PAPSS2: variants seen among roughly 807,000 people sequenced by gnomAD.
PAPSS2 encodes the protein 3'-phosphoadenosine 5'-phosphosulfate synthase 2.
Under a neutral mutation model 66.5 loss-of-function variants are expected in PAPSS2, and 61 were observed. The ratio of observed to expected loss-of-function variants is 0.92; its 90% CI spans 0.75 to 1.14. The LOEUF (loss-of-function observed/expected upper bound fraction) is 1.14. Among genes scored for constraint, PAPSS2 ranks in the 50% most tolerant of loss-of-function variants. The pLI is 0.00. For synonymous variants in PAPSS2, 289 were observed against 287.5 expected, an observed-to-expected ratio of 1.01 and a Z score of -0.05; for missense variants, 708 against 789.6, an observed-to-expected ratio of 0.90 and a Z score of 1.24.
intron 6 of PAPSS2, among the ~76,000 whole-genome samples, 191 bp downstream of exon 6, chr10:87,715,289 C>CAGCT (rs1203542251): frequency 6.6e-6 from 1 of 152,180 alleles, no homozygotes; most frequent in African/African-American, 2.4e-5. Flanking sequence ...TGCCACAAGG[C>CAGCT]AGCTGATCAA....
chr10:87,713,311 G>GAA lies in PAPSS2; in HGVS notation c.381+1_381+2insAA, dbSNP rs1554865450. 21 of 444,648 alleles carry GAA rather than the reference G, an allele frequency of 4.7e-5. No individual in the cohort carries two copies. The highest frequency in any genetic ancestry group is 2.1e-4 in the South Asian group (6 of 28,548). The allele number at this position is 444,648 out of a possible 1,614,324, so 27.5% of individuals were successfully genotyped here. A position where few individuals can be genotyped will look rare whatever the true frequency, so the allele number is the denominator to read the frequency against. On this transcript the variant is annotated splice_donor_variant, in intron 3 of 12. Transcript: ENST00000456849. LOFTEE classifies it high-confidence loss of function. ...CAGCTTTATTTCTCCATTCGCAAAG[G>GAA]TAAAAAAAAAAAAAAAAAAAAAAGG...
At chr10:87,709,157 A>T (rs1258464889) in intron 1 of PAPSS2, 39 bp from the exon 2 acceptor site, 1 of 1,339,750 alleles carries the variant, frequency 7.5e-7, no homozygotes, top group Non-Finnish European at 1.1e-6. Flanking sequence ...TATGTGTTTT[A>T]TTAATTAATA....
At chr10:87,663,106 C>CTTTTTTTTT (rs1184871976) in intron 1 of PAPSS2, among the ~76,000 whole-genome samples, 8 of 67,620 alleles carry the variant, frequency 1.2e-4, no homozygotes, top group Non-Finnish European at 1.6e-4. Context: ...GAAGTAGCCA[C>CTTTTTTTTT]TTTTTTTTTT....
intron 6 of PAPSS2, 65 bp downstream of exon 6, chr10:87,715,163 T>G: frequency 1.2e-6 from 1 of 851,538 alleles, no homozygotes; most frequent in Non-Finnish European, 2.0e-6. Flanking sequence ...TATTTACAAT[T>G]ACTCTTAACA....
Position 87,727,823 on chromosome 10 carries a change from A to C in PAPSS2, c.1086+334A>C, listed in dbSNP as rs953628778. On this transcript the variant is annotated intron_variant, in intron 9 of 12. Transcript: ENST00000456849. ...TAGCTGTAGCTATGCACAAAACCATAATCAGAGCTTGCAGCCCTGCCCATC... is the reference window on the plus strand; with the variant it reads ...TAGCTGTAGCTATGCACAAAACCATCATCAGAGCTTGCAGCCCTGCCCATC... Among the ~76,000 whole-genome samples, 2 of 152,192 alleles carry C rather than the reference A, an allele frequency of 1.3e-5. 1 individual carries two copies. The highest frequency in any genetic ancestry group is 2.9e-5 in the Non-Finnish European group (2 of 68,032).
chr10:87,713,718 A>T (rs1853497481), intron 3 of PAPSS2, among the ~76,000 whole-genome samples: 1 of 152,350 alleles, frequency 6.6e-6, no homozygotes, highest in Middle Eastern at 3.4e-3. Context: ...GACATCACTG[A>T]GATGGAGTGT....
At chr10:87,736,529 G>A (rs7901767) in intron 9 of PAPSS2, among the ~76,000 whole-genome samples, 45,395 of 151,844 alleles carry the variant, frequency 0.3, 7,037 homozygotes, top group Non-Finnish European at 0.32. Flanking sequence ...GCCTCTCAAA[G>A]TACTGGGATT....
chr10:87,740,046 T>A (rs1853847793), intron 9 of PAPSS2, among the ~76,000 whole-genome samples: 1 of 152,240 alleles, frequency 6.6e-6, no homozygotes, highest in African/African-American at 2.4e-5. Context: ...TGGATCACCA[T>A]GTCTACTTGA....
At chr10:87,668,939 C>A (rs1308615591) in intron 1 of PAPSS2, among the ~76,000 whole-genome samples, 1 of 152,170 alleles carries the variant, frequency 6.6e-6, no homozygotes, top group Non-Finnish European at 1.5e-5. Context: ...TTTATTTCCT[C>A]TTTCATTCAA....
intron 1 of PAPSS2, among the ~76,000 whole-genome samples, chr10:87,680,101 A>T (rs1332302339): frequency 6.6e-6 from 1 of 151,912 alleles, no homozygotes; most frequent in Non-Finnish European, 1.5e-5. Flanking sequence ...AGGACAAGTT[A>T]TTGATCAGGA....
intron 1 of PAPSS2, among the ~76,000 whole-genome samples, chr10:87,699,639 C>T (rs1039717989): frequency 6.6e-6 from 1 of 152,000 alleles, no homozygotes; most frequent in African/African-American, 2.4e-5. Context: ...ATCACGAGGT[C>T]AAGAGAGTGA....
intron 1 of PAPSS2, among the ~76,000 whole-genome samples, chr10:87,708,709 A>G (rs1259468195): frequency 1.3e-5 from 2 of 152,258 alleles, no homozygotes; most frequent in Non-Finnish European, 2.9e-5. Flanking sequence ...CATGATGAGT[A>G]TTCTAAAGGC....
intron 1 of PAPSS2, among the ~76,000 whole-genome samples, chr10:87,695,988 A>C (rs1304433420): frequency 6.6e-6 from 1 of 152,152 alleles, no homozygotes; most frequent in South Asian, 2.1e-4. Flanking sequence ...TCCACCTGCT[A>C]TCTCCATCCA....
chr10:87,663,704 A>G (rs1852782888), intron 1 of PAPSS2, among the ~76,000 whole-genome samples: 1 of 152,168 alleles, frequency 6.6e-6, no homozygotes. Context: ...AAGTTTTCTC[A>G]TCTGTAAAAT....
At position 87,659,899 on chromosome 10, in the gene PAPSS2, T is replaced by TGCG. The variant is rs1554860713; in HGVS notation, c.-81_-80insGGC. The TGCG allele has an allele frequency of 7.1e-7, 1 of 1,415,922 alleles. No homozygotes were observed. The highest frequency in any genetic ancestry group is 9.9e-7 in the Non-Finnish European group (1 of 1,006,356). The allele number at this position is 1,415,922 out of a possible 1,614,324, so 87.7% of individuals were successfully genotyped here. A position where few individuals can be genotyped will look rare whatever the true frequency, so the allele number is the denominator to read the frequency against. ...CGGCAGCCGCTGCTGCTGCTGCTGC[T>TGCG]GCTGCTGCCGCCGCCGCCGCCGCCG... On this transcript the variant is annotated 5_prime_UTR_variant, in exon 1 of 13. Transcript: ENST00000456849.
Position 87,743,576 on chromosome 10 carries a change from C to T in PAPSS2, c.1426C>T (p.Leu476=). ...CGCGGCTGTGCTCGAGGAAGGGGTC[C>T]TGGATCCCAAGTCAACCATTGTTGC... is the stretch of plus-strand genomic sequence containing the variant. ...QHAAVLEEGV[L]DPKSTIVAIF... is the part of the protein sequence containing the mutation. Residue 476 remains leucine, a synonymous_variant, in exon 11 of 13, where the codon CTG becomes TTG. Transcript: ENST00000456849. 2.5e-6 allele frequency: 4 copies of T among 1,614,164 alleles called. No homozygotes were observed. Among genetic ancestry groups the T allele is most frequent in the Non-Finnish European group, 3.4e-6 (4 of 1,180,010 alleles).
intron 1 of PAPSS2, among the ~76,000 whole-genome samples, chr10:87,664,345 G>A (rs576374966): frequency 6.6e-6 from 1 of 152,330 alleles, no homozygotes; most frequent in South Asian, 2.1e-4. Context: ...GAGTATCAGT[G>A]AGTTTTTGCC....
At chr10:87,661,129 C>A in intron 1 of PAPSS2, 6 of 369,210 alleles carry the variant, frequency 1.6e-5, no homozygotes, top group Admixed American at 3.1e-5. Flanking sequence ...TGTGGTGGGC[C>A]GGGGAGAGGT....
Position 87,706,108 on chromosome 10 carries a change from ATGTGTGTGTG to A in PAPSS2, c.28-3064_28-3055del, listed in dbSNP as rs150079044. ...GGTATATATATATATATATATATAT[ATGTGTGTGTG>A]TGTGTGTGTGTGTGTGTGTGTGTAT... On this transcript the variant is annotated intron_variant, in intron 1 of 12. Coordinates refer to ENST00000456849, the MANE Select transcript of PAPSS2 (RefSeq NM_001015880.2). Among the ~76,000 whole-genome samples, 183 of 51,932 alleles carry A rather than the reference ATGTGTGTGTG, an allele frequency of 3.5e-3. 4 individuals carry two copies. The highest frequency in any genetic ancestry group is 9.0e-3 in the South Asian group (13 of 1,442). 34.1% of individuals were successfully genotyped at this position (51,932 alleles called of 152,430 possible). A position where few individuals can be genotyped will look rare whatever the true frequency, so the allele number is the denominator to read the frequency against.
Sources: allele counts gnomAD v4.1 joint callset (sites outside exome capture counted in the v4.1 genomes callset), GRCh38; gene constraint gnomAD v4.1.1; transcripts MANE v1.5; gene names NCBI Gene and HGNC (gene_info 2026-07-23, HGNC 2026-07-21).